The following XRRA1 variants were observed in gnomAD, a reference collection of about 807,000 sequenced individuals.
XRRA1 encodes the protein X-ray radiation resistance-associated protein 1.
A neutral mutation model predicts 80.2 loss-of-function variants in XRRA1; 69 were observed. The ratio of observed to expected loss-of-function variants is 0.86; its 90% confidence interval spans 0.71 to 1.05. The LOEUF is 1.05. Ranked by LOEUF, XRRA1 falls within the 50% of genes least tolerant of loss-of-function variation. The probability of loss-of-function intolerance (pLI) is 0.00; values close to 1 mark genes in which losing one functional copy is unlikely to be tolerated. For synonymous variants in XRRA1, 348 were observed against 389.9 expected (o/e 0.89, Z 1.27); for missense variants, 967 against 976.4 (o/e 0.99, Z 0.13).
At chr11:74,850,865 A>G (rs2039639456) in intron 14 of XRRA1, 4 of 288,666 alleles carry the variant, frequency 1.4e-5, no homozygotes, top group African/African-American at 2.2e-5. Flanking sequence ...GTAGGTGACT[A>G]TAACTTTCAA....
chr11:74,907,720 G>C (rs954289124), intron 8 of XRRA1, among the ~76,000 whole-genome samples: 6 of 152,126 alleles, frequency 3.9e-5, no homozygotes, highest in African/African-American at 1.2e-4. Context: ...ATAGACCACA[G>C]CTTTGCCACC....
At chr11:74,944,415 T>C (rs1241264149) in intron 2 of XRRA1, among the ~76,000 whole-genome samples, 2 of 152,190 alleles carry the variant, frequency 1.3e-5, no homozygotes, top group Non-Finnish European at 2.9e-5. Flanking sequence ...ATATCAATGG[T>C]AGTCATCAAT....
At chr11:74,861,717 C>T (rs532131269) in intron 11 of XRRA1, among the ~76,000 whole-genome samples, 55 of 152,282 alleles carry the variant, frequency 3.6e-4, no homozygotes, top group African/African-American at 1.2e-3. Flanking sequence ...TCCCTGGAGC[C>T]GAAAAGGTTG....
At chr11:74,946,939 G>A (rs1015321411) in intron 1 of XRRA1, among the ~76,000 whole-genome samples, 80 of 152,132 alleles carry the variant, frequency 5.3e-4, no homozygotes, top group African/African-American at 1.9e-3. Context: ...TTTTAGTAGA[G>A]ACGGGGTTTC....
chr11:74,901,177 AT>A (rs1031973789), intron 10 of XRRA1, among the ~76,000 whole-genome samples: 74 of 152,344 alleles, frequency 4.9e-4, no homozygotes, highest in African/African-American at 1.7e-3. Context: ...TGAAAAAGAA[AT>A]AAAAAAGGAA....
intron 10 of XRRA1, among the ~76,000 whole-genome samples, chr11:74,903,040 C>T (rs1223090793): frequency 6.6e-6 from 1 of 151,960 alleles, no homozygotes; most frequent in Non-Finnish European, 1.5e-5. Context: ...TACACCTACC[C>T]AGAATAATAA....
At chr11:74,844,393 TGA>T in intron 16 of XRRA1, 110 bp from the exon 17 acceptor site, 1 of 769,328 alleles carries the variant, frequency 1.3e-6, no homozygotes, top group South Asian at 1.7e-5. Context: ...TAAAAGGATT[TGA>T]GAGTCCCCAA....
At position 74,852,097 on chromosome 11, in the gene XRRA1, G is replaced by C. The variant is rs866324451; in HGVS notation, c.1171-15C>G. 1 of 1,608,392 alleles carries C rather than the reference G, an allele frequency of 6.2e-7. No individual in the cohort carries two copies. Among genetic ancestry groups the C allele is most frequent in the East Asian group, 2.2e-5 (1 of 44,836 alleles). ...TCTTTTGCGATCTGTAATGAATGCA[G>C]GAGAGACTCTCAGGTTGACACCACC... is the stretch of plus-strand genomic sequence containing the variant. On this transcript the variant is annotated splice_polypyrimidine_tract_variant and intron_variant, in intron 12 of 18. Coordinates refer to ENST00000684022, the MANE Select transcript of XRRA1 (RefSeq NM_001378157.1).
At chr11:74,904,891 TA>T (rs35880400) in intron 10 of XRRA1, among the ~76,000 whole-genome samples, 9,982 of 70,056 alleles carry the variant, frequency 0.14, 320 homozygotes, top group Middle Eastern at 0.23. Context: ...AACTTCACAG[TA>T]AAAAAAAAAA....
chr11:74,871,937 T>C (rs1238567043), intron 10 of XRRA1, among the ~76,000 whole-genome samples: 1 of 152,200 alleles, frequency 6.6e-6, no homozygotes, highest in African/African-American at 2.4e-5. Flanking sequence ...CAGGCAGCTC[T>C]GCATGCATCA....
At position 74,848,150 on chromosome 11, in the gene XRRA1, C is replaced by G. The variant is rs1591525045; in HGVS notation, c.1693G>C (p.Asp565His). 1 of 1,612,732 alleles carries G rather than the reference C, an allele frequency of 6.2e-7. No individual in the cohort carries two copies. Among genetic ancestry groups the G allele is most frequent in the Non-Finnish European group, 8.5e-7 (1 of 1,179,870 alleles). The change falls in exon 15 of 19, where the codon GAC becomes CAC. Residue 565 changes from aspartate to histidine, a missense_variant. Physicochemically the swap from Asp to His is moderately conservative, Grantham distance 81. Transcript: ENST00000684022. ...RLSPERPSDE[D>H]SKSTESIFLT... ...AAGATGGACTCTGTGCTCTTGGAGTCCTCATCTGATGGGCGCTCTGGGCTG... is the reference window on the plus strand; with the variant it reads ...AAGATGGACTCTGTGCTCTTGGAGTGCTCATCTGATGGGCGCTCTGGGCTG...
At chr11:74,843,767 T>A in intron 18 of XRRA1, 87 bp downstream of exon 18, 2 of 1,246,232 alleles carry the variant, frequency 1.6e-6, no homozygotes, top group Non-Finnish European at 2.3e-6. Flanking sequence ...TAAGGGCCTT[T>A]CCTGCACTGA....
intron 10 of XRRA1, among the ~76,000 whole-genome samples, chr11:74,877,541 C>A (rs2046334111): frequency 6.6e-6 from 1 of 151,660 alleles, no homozygotes; most frequent in African/African-American, 2.4e-5. Context: ...ATACATGTGC[C>A]ATGCTGGTGC....
At chr11:74,933,700 G>T in intron 5 of XRRA1, 101 bp downstream of exon 5, 1 of 1,046,340 alleles carries the variant, frequency 9.6e-7, no homozygotes, top group Non-Finnish European at 1.4e-6. Context: ...CAGATTTCCA[G>T]TCCCTAGGGA....
intron 10 of XRRA1, chr11:74,863,333 CACTG>C (rs1419065218): frequency 1.1e-5 from 4 of 379,552 alleles, no homozygotes; most frequent in African/African-American, 6.2e-5. Flanking sequence ...ATTTCAGCCA[CACTG>C]ACTGACCTTC....
intron 10 of XRRA1, among the ~76,000 whole-genome samples, chr11:74,904,131 T>C (rs1052310032): frequency 2.6e-5 from 4 of 152,208 alleles, no homozygotes; most frequent in African/African-American, 9.6e-5. Flanking sequence ...CATTGGTATA[T>C]AATTTTAAAA....
intron 10 of XRRA1, among the ~76,000 whole-genome samples, chr11:74,874,367 G>C (rs2045604878): frequency 6.6e-6 from 1 of 151,244 alleles, no homozygotes; most frequent in African/African-American, 2.4e-5. Flanking sequence ...CCAGTCCTCA[G>C]CCTTCCCATA....
At chr11:74,944,012 G>C (rs1946973620) in intron 2 of XRRA1, among the ~76,000 whole-genome samples, 1 of 152,018 alleles carries the variant, frequency 6.6e-6, no homozygotes. Context: ...TGTAGGCACA[G>C]GGTTTCGCCA....
rs1172640421 is a variant in XRRA1, at chr11:74,863,324, T to C, written c.1004-303A>G. On this transcript the variant is annotated intron_variant, in intron 10 of 18. Transcript: ENST00000684022. The stretch of plus-strand genomic sequence containing the variant: ...ATGATACTCTCCCTCATTCACTGTA[T>C]TTCAGCCACACTGACTGACCTTCAA... The C allele has an allele frequency of 1.5e-5, 6 of 410,650 alleles. No individual in the cohort carries two copies. The Admixed American group carries it at 1.6e-4, about 11-fold the overall frequency. The allele number at this position is 410,650 out of a possible 1,614,324, so 25.4% of individuals were successfully genotyped here.
Sources: gnomAD v4.1 joint callset for allele counts (sites outside exome capture counted in the v4.1 genomes callset) on GRCh38, gnomAD v4.1.1 for gene constraint, MANE v1.5 for transcripts, NCBI Gene and HGNC (gene_info 2026-07-23, HGNC 2026-07-21) for gene names.